The following PTPN11 variants were observed in gnomAD, a reference collection of about 807,000 sequenced individuals.
PTPN11 encodes the protein tyrosine-protein phosphatase non-receptor type 11.
PTPN11 carries 6 observed loss-of-function variants against 78.8 expected under a neutral mutation model. That is an observed-to-expected ratio of 0.08 (90% CI 0.04 to 0.15). The LOEUF (loss-of-function observed/expected upper bound fraction) is 0.15, where lower values mean the gene tolerates loss of function less well. PTPN11 is among the 10% of genes least tolerant of loss of function. The probability of loss-of-function intolerance (pLI) is 1.00; values close to 1 mark genes in which losing one functional copy is unlikely to be tolerated. For missense variants in PTPN11, 386 were observed against 744.8 expected (o/e 0.52, Z 5.61); for synonymous variants, 221 against 263.5 (o/e 0.84, Z 1.56).
chr12:112,450,025 G>T (rs2038056076), intron 2 of PTPN11, among the ~76,000 whole-genome samples: 1 of 151,740 alleles, frequency 6.6e-6, no homozygotes, highest in African/African-American at 2.4e-5. Flanking sequence ...CGCGAAGGTT[G>T]CGGTGAACCG....
At chr12:112,432,668 CAA>C (rs558861452) in intron 1 of PTPN11, among the ~76,000 whole-genome samples, 34 of 60,152 alleles carry the variant, frequency 5.7e-4, no homozygotes, top group Admixed American at 7.5e-4. Flanking sequence ...AACTCCATCT[CAA>C]AAAAAAAAAA....
chr12:112,489,273 C>G, intron 13 of PTPN11, 98 bp downstream of exon 13: 4 of 1,433,026 alleles, frequency 2.8e-6, no homozygotes, highest in Non-Finnish European at 3.9e-6. Context: ...TGATAGACAA[C>G]TGTTTGATTT....
intron 4 of PTPN11, 115 bp from the exon 5 acceptor site, chr12:112,454,449 T>C: frequency 1.2e-6 from 1 of 826,878 alleles, no homozygotes; most frequent in Non-Finnish European, 2.1e-6. Context: ...GACATTTAAG[T>C]TGTCTCTATA....
chr12:112,473,693 A>G (rs2038454444), intron 7 of PTPN11, among the ~76,000 whole-genome samples: 1 of 151,650 alleles, frequency 6.6e-6, no homozygotes, highest in African/African-American at 2.4e-5. Context: ...CTAAAAATAC[A>G]AAAATTAGCC....
chr12:112,425,548 G>C (rs919305219), intron 1 of PTPN11, among the ~76,000 whole-genome samples: 1 of 152,128 alleles, frequency 6.6e-6, no homozygotes, highest in Non-Finnish European at 1.5e-5. Context: ...ACTGAAATTA[G>C]ACTTTATACA....
chr12:112,488,340 C>T, intron 11 of PTPN11, 103 bp from the exon 12 acceptor site: 1 of 998,272 alleles, frequency 1.0e-6, no homozygotes, highest in Non-Finnish European at 1.6e-6. Flanking sequence ...TAAATAGCTC[C>T]AAAGAGTAGA....
rs1322875685 is a variant in PTPN11, at chr12:112,509,167, A to G, written c.*3375A>G. ...CTGATGTCAGGATGCCTTTGTTAGG[A>G]TCTGTATTTGCCCTTAATTTTGTTG... On this transcript the variant is annotated 3_prime_UTR_variant, in exon 16 of 16. Coordinates refer to ENST00000351677, the MANE Select transcript of PTPN11 (RefSeq NM_002834.5). The G allele has an allele frequency of 1.3e-5, 2 of 152,198 alleles. No individual in the cohort carries two copies. The highest frequency in any genetic ancestry group is 2.9e-5 in the Non-Finnish European group (2 of 68,036). 9.4% of individuals were successfully genotyped at this position (152,198 alleles called of 1,614,324 possible).
intron 2 of PTPN11, among the ~76,000 whole-genome samples, chr12:112,448,675 C>T (rs764620810): frequency 6.6e-6 from 1 of 151,914 alleles, no homozygotes; most frequent in Non-Finnish European, 1.5e-5. Context: ...TCAGCTGGAT[C>T]GCATTCTATC....
intron 14 of PTPN11, among the ~76,000 whole-genome samples, chr12:112,503,237 C>T (rs958408551): frequency 6.6e-6 from 1 of 152,228 alleles, no homozygotes; most frequent in Non-Finnish European, 1.5e-5. Context: ...CCCAGAAATC[C>T]TTCCCGACTC....
chr12:112,460,748 A>G lies in PTPN11; in HGVS notation c.756+4685A>G, dbSNP rs948612588. ...TCCCAGCTACTCGGGAGGCTGAGGC[A>G]GGAGAATCGCTTGAACCCAGAAGGT... On this transcript the variant is annotated intron_variant, in intron 6 of 15. Transcript: ENST00000351677. Among the ~76,000 whole-genome samples, 6 of 152,194 alleles carry G rather than the reference A, an allele frequency of 3.9e-5. No individual in the cohort carries two copies. In the South Asian group the frequency reaches 1.2e-3, roughly 32 times the overall value.
chr12:112,443,142 C>A (rs2037934845), intron 1 of PTPN11, among the ~76,000 whole-genome samples: 2 of 151,350 alleles, frequency 1.3e-5, no homozygotes, highest in Admixed American at 1.3e-4. Context: ...AACAAGACTA[C>A]CATCAAATCC....
intron 11 of PTPN11, among the ~76,000 whole-genome samples, chr12:112,488,043 C>G (rs540728702): frequency 6.6e-6 from 1 of 152,280 alleles, no homozygotes; most frequent in South Asian, 2.1e-4. Context: ...CTCGGCCTCC[C>G]AAAGTGCTGG....
At position 112,504,091 on chromosome 12, in the gene PTPN11, A is replaced by G. The variant is rs891457238; in HGVS notation, c.1713-604A>G. 2.6e-5 allele frequency among the ~76,000 whole-genome samples: 4 copies of G among 152,102 alleles called. No homozygotes were observed. The highest frequency in any genetic ancestry group is 1.3e-4 in the Admixed American group (2 of 15,272). ...ATTTCATTCTATGTGTGCATTTCCA[A>G]CCTTTCTTCACAGTGCGATCCAAAT... On this transcript the variant is annotated intron_variant, in intron 14 of 15. Coordinates refer to ENST00000351677, the MANE Select transcript of PTPN11 (RefSeq NM_002834.5). This position sits in a 1 kb window ranked among gnomAD's most constrained non-coding sequence, Gnocchi z 4.7.
intron 1 of PTPN11, among the ~76,000 whole-genome samples, chr12:112,433,171 C>A (rs943184717): frequency 6.6e-6 from 1 of 152,144 alleles, no homozygotes; most frequent in African/African-American, 2.4e-5. Context: ...ACCTGGCCAC[C>A]ATTTTTAATC....
intron 14 of PTPN11, among the ~76,000 whole-genome samples, chr12:112,502,891 G>A (rs149874756): frequency 1.3e-5 from 2 of 152,188 alleles, no homozygotes; most frequent in Non-Finnish European, 2.9e-5. Flanking sequence ...TTGTAACAAA[G>A]GAAGGTCATA....
intron 1 of PTPN11, among the ~76,000 whole-genome samples, chr12:112,442,286 A>G (rs2037906137): frequency 6.6e-6 from 1 of 152,156 alleles, no homozygotes; most frequent in Non-Finnish European, 1.5e-5. Context: ...TCCCTTATCC[A>G]AAATGCTTGG....
chr12:112,472,920 A>T (rs1426495573), intron 6 of PTPN11, 24 bp from the exon 7 acceptor site: 1 of 1,545,956 alleles, frequency 6.5e-7, no homozygotes, highest in South Asian at 1.1e-5. Context: ...ACACGTAATA[A>T]TATTGACTTT....
chr12:112,503,007 A>G (rs1169143637), intron 14 of PTPN11, among the ~76,000 whole-genome samples: 3 of 152,222 alleles, frequency 2.0e-5, no homozygotes, highest in Non-Finnish European at 4.4e-5. Flanking sequence ...GTCAACAGAA[A>G]TCTACTTTGG....
chr12:112,449,252 C>T (rs942850137), intron 2 of PTPN11, among the ~76,000 whole-genome samples: 1 of 151,200 alleles, frequency 6.6e-6, no homozygotes, highest in African/African-American at 2.4e-5. Flanking sequence ...CCTGTAATCC[C>T]AGCACTTTGG....
Sources: allele counts gnomAD v4.1 joint callset (sites outside exome capture counted in the v4.1 genomes callset), GRCh38; gene constraint gnomAD v4.1.1; non-coding constraint Gnocchi (gnomAD v3.1); transcripts MANE v1.5; gene names NCBI Gene and HGNC (gene_info 2026-07-23, HGNC 2026-07-21).